The following HMOX1 variants were observed in gnomAD, a reference collection of about 807,000 sequenced individuals.
HMOX1 encodes heme oxygenase 1, also known as heat shock protein, 32-kD.
In HMOX1, 22 loss-of-function variants were observed where a neutral mutation model predicts 27.8. That is an observed-to-expected ratio of 0.79 (90% CI 0.57 to 1.13). The LOEUF (loss-of-function observed/expected upper bound fraction) is 1.13. Among genes scored for constraint, HMOX1 ranks in the 50% most tolerant of loss-of-function variants. The probability of loss-of-function intolerance (pLI) is 0.00; values close to 1 mark genes in which losing one functional copy is unlikely to be tolerated. For missense variants in HMOX1, 379 were observed against 377.7 expected (o/e 1.00, Z -0.03); for synonymous variants, 153 against 151.6 (o/e 1.01, Z -0.07).
Position 35,391,378 on chromosome 22 carries a change from C to G in HMOX1, c.736+1415C>G, listed in dbSNP as rs536800030. On this transcript the variant is annotated intron_variant, in intron 4 of 4. Transcript: ENST00000216117. ...TCTCGGCTCACTGCAAGCTCCGCCT[C>G]CCAGGTTCACGCCATTCTCCTGCCT... 1.3e-3 allele frequency among the ~76,000 whole-genome samples: 203 copies of G among 151,942 alleles called. 2 individuals are homozygous for G. The highest frequency in any genetic ancestry group is 4.7e-3 in the African/African-American group (194 of 41,394).
intron 4 of HMOX1, among the ~76,000 whole-genome samples, chr22:35,390,712 C>T (rs1427127216): frequency 2.6e-5 from 4 of 152,132 alleles, no homozygotes; most frequent in Non-Finnish European, 4.4e-5. Flanking sequence ...CCTCAGAAAT[C>T]ATGGGAAACT....
chr22:35,392,735 T>G (rs992998004), intron 4 of HMOX1, among the ~76,000 whole-genome samples: 2 of 150,792 alleles, frequency 1.3e-5, no homozygotes, highest in African/African-American at 4.9e-5. Context: ...TTTTTTTTTT[T>G]GAAATGGAGT....
At chr22:35,381,447 C>T in intron 1 of HMOX1, 2 of 572,100 alleles carry the variant, frequency 3.5e-6, no homozygotes, top group South Asian at 4.4e-5. Flanking sequence ...CCTAGAGTAT[C>T]CAGTCTTTGA....
At chr22:35,387,212 C>G (rs775314521) in intron 3 of HMOX1, 36 bp downstream of exon 3, 1 of 1,612,110 alleles carries the variant, frequency 6.2e-7, no homozygotes, top group African/African-American at 1.3e-5. Context: ...CCTCTGCCTC[C>G]CCCCGTTGTT....
intron 2 of HMOX1, among the ~76,000 whole-genome samples, chr22:35,384,502 G>A (rs929170530): frequency 1.2e-4 from 19 of 152,046 alleles, no homozygotes; most frequent in African/African-American, 4.6e-4. Flanking sequence ...GGTACACCCA[G>A]TTGCTGCAGT....
In HMOX1 at chr22:35,386,750, G is replaced by T. The variant is rs1931514798; in HGVS notation, c.210G>T (p.Glu70Asp). ...ALEEEIERNK[E>D]SPVFAPVYFP... ...AGGAGGAGATTGAGCGCAACAAGGA[G>T]AGCCCAGTCTTCGCCCCTGTCTACT... The change falls in exon 3 of 5, where the codon GAG (glutamate) becomes GAT (aspartate). Residue 70 changes from glutamate to aspartate, a missense_variant. Transcript: ENST00000216117. 1.9e-6 allele frequency: 3 copies of T among 1,614,212 alleles called. No individual in the cohort carries two copies. The highest frequency in any genetic ancestry group is 2.5e-6 in the Non-Finnish European group (3 of 1,180,046).
intron 1 of HMOX1, among the ~76,000 whole-genome samples, chr22:35,381,992 G>A (rs902412924): frequency 3.3e-5 from 5 of 152,138 alleles, no homozygotes; most frequent in African/African-American, 9.7e-5. Context: ...TTTGACTAAA[G>A]CAGACTTTCT....
Position 35,389,347 on chromosome 22 carries a change from C to T in HMOX1, c.637-517C>T, listed in dbSNP as rs1477347360. Among the ~76,000 whole-genome samples the T allele has an allele frequency of 4.9e-3, 177 of 35,956 alleles. 5 individuals carry two copies. The highest frequency in any genetic ancestry group is 4.2e-3 in the East Asian group (5 of 1,188). The allele number at this position is 35,956 out of a possible 152,430, so 23.6% of individuals were successfully genotyped here. A position where few individuals can be genotyped will look rare whatever the true frequency, so the allele number is the denominator to read the frequency against. The stretch of plus-strand genomic sequence containing the variant: ...CTTTCTTTCTTTCTTTCTTCTCCTT[C>T]CTTCCTTCCTTCCTTCCTTCCTTCC... On this transcript the variant is annotated intron_variant, in intron 3 of 4. Coordinates refer to ENST00000216117, the MANE Select transcript of HMOX1 (RefSeq NM_002133.3).
chr22:35,390,079 T>C, intron 4 of HMOX1, 116 bp downstream of exon 4: 1 of 791,188 alleles, frequency 1.3e-6, no homozygotes, highest in Non-Finnish European at 2.1e-6. Context: ...GTGGGTGTTG[T>C]TTCCTGCTGC....
intron 1 of HMOX1, among the ~76,000 whole-genome samples, chr22:35,382,213 T>C (rs1388739598): frequency 6.6e-6 from 1 of 152,194 alleles, no homozygotes; most frequent in African/African-American, 2.4e-5. Flanking sequence ...GCGAACTACC[T>C]GTACCAGGAT....
Position 35,381,173 on chromosome 22 carries a change from G to C in HMOX1, c.-1G>C, listed in dbSNP as rs1416575028. On this transcript the variant is annotated 5_prime_UTR_variant, in exon 1 of 5. Transcript: ENST00000216117. The stretch of plus-strand genomic sequence containing the variant: ...GCACGAACGAGCCCAGCACCGGCCG[G>C]ATGGAGCGTCCGCAACCCGACAGGC... 1 of 1,543,574 alleles carries C rather than the reference G, an allele frequency of 6.5e-7. No individual in the cohort carries two copies. The highest frequency in any genetic ancestry group is 8.7e-7 in the Non-Finnish European group (1 of 1,150,636).
At position 35,386,915 on chromosome 22, in the gene HMOX1, G is replaced by T. The variant is rs763151157; in HGVS notation, c.375G>T (p.Glu125Asp). 1 of 1,614,048 alleles carries T rather than the reference G, an allele frequency of 6.2e-7. No individual in the cohort carries two copies. Among genetic ancestry groups the T allele is most frequent in the South Asian group, 1.1e-5 (1 of 91,082 alleles). ...VKRLHEVGRT[E>D]PELLVAHAYT... ...GGCTCCACGAGGTGGGGCGCACAGA[G>T]CCCGAGCTGCTGGTGGCCCACGCCT... Residue 125 changes from glutamate to aspartate, a missense_variant, in exon 3 of 5, where the codon GAG becomes GAT. Physicochemically the swap from Glu to Asp is conservative, Grantham distance 45. Coordinates refer to ENST00000216117, the MANE Select transcript of HMOX1 (RefSeq NM_002133.3).
Position 35,389,958 on chromosome 22 carries a change from T to G in HMOX1, c.731T>G (p.Val244Gly). 1.2e-6 allele frequency: 2 copies of G among 1,609,462 alleles called. No individual in the cohort carries two copies. Among genetic ancestry groups the G allele is most frequent in the Non-Finnish European group, 1.7e-6 (2 of 1,178,438 alleles). ...CTTCGCCAGCGGGCCAGCAACAAAG[T>G]GCAAGGTGAGAGCATCCAGGAAGGG... Reference protein sequence around the residue: ...PGLRQRASNKVQDSAPVETPR... With the variant: ...PGLRQRASNKGQDSAPVETPR... The change falls in exon 4 of 5, where the codon GTG becomes GGG. Residue 244 changes from valine (V) to glycine (G), a missense_variant. By Grantham distance (109) the Val-to-Gly change is moderately radical (BLOSUM62 -3). Transcript: ENST00000216117.
intron 3 of HMOX1, among the ~76,000 whole-genome samples, chr22:35,389,385 TTCCTTCCTTC>T (rs1569057579): frequency 1.3e-3 from 98 of 75,064 alleles, no homozygotes; most frequent in Middle Eastern, 9.6e-3. Flanking sequence ...CCTTCCTTCC[TTCCTTCCTTC>T]CTTTCTTTCT....
chr22:35,389,395 C>CCTTCCTTCCTTCCTTCCTTCCTTT (rs1555901604), intron 3 of HMOX1, among the ~76,000 whole-genome samples: 2 of 51,806 alleles, frequency 3.9e-5, no homozygotes, highest in East Asian at 5.5e-4. Context: ...TTCCTTCCTT[C>CCTTCCTTCCTTCCTTCCTTCCTTT]CTTTCTTTCT....
chr22:35,390,489 A>G (rs1038485421), intron 4 of HMOX1, among the ~76,000 whole-genome samples: 1 of 151,944 alleles, frequency 6.6e-6, no homozygotes, highest in African/African-American at 2.4e-5. Context: ...TTGGCCTCCC[A>G]AAGTGCTGAG....
At position 35,381,347 on chromosome 22, in the gene HMOX1, T is replaced by C. The variant is rs1461367094; in HGVS notation, c.23+151T>C. On this transcript the variant is annotated intron_variant, in intron 1 of 4. Transcript: ENST00000216117. ...GTCAGGAGGTGCGGGGTTCTGATCC[T>C]GCCTGTGCCCGTAGGGTAGTTGGAG... is the stretch of plus-strand genomic sequence containing the variant. 1.0e-5 allele frequency: 9 copies of C among 862,130 alleles called. No individual in the cohort carries two copies. The East Asian group carries it at 2.1e-4, about 21-fold the overall frequency. 53.4% of individuals were successfully genotyped at this position (862,130 alleles called of 1,614,324 possible).
At chr22:35,381,404 T>C in intron 1 of HMOX1, 1 of 623,662 alleles carries the variant, frequency 1.6e-6, no homozygotes, top group Non-Finnish European at 2.8e-6. Flanking sequence ...CCTGGCACCC[T>C]GGTATGCGGT....
In HMOX1 at chr22:35,383,137, G is replaced by T; in HGVS notation, c.55G>T (p.Glu19Ter). Residue 19 changes from glutamate to a stop codon, truncating the protein, a stop_gained, in exon 2 of 5, where the codon GAG (glutamate) becomes TAG (stop). Transcript: ENST00000216117. LOFTEE classifies it high-confidence loss of function. ...CCAGGATTTGTCAGAGGCCCTGAAG[G>T]AGGCCACCAAGGAGGTGCACACCCA... Reference protein sequence around the residue: ...MPQDLSEALKEATKEVHTQAE... With the variant: ...MPQDLSEALK 6.2e-7 allele frequency: 1 copy of T among 1,613,836 alleles called. No homozygotes were observed. The highest frequency in any genetic ancestry group is 8.5e-7 in the Non-Finnish European group (1 of 1,179,802).
Sources: allele counts gnomAD v4.1 joint callset (sites outside exome capture counted in the v4.1 genomes callset), GRCh38; gene constraint gnomAD v4.1.1; transcripts MANE v1.5; gene names NCBI Gene and HGNC (gene_info 2026-07-23, HGNC 2026-07-21).